EBF2: variants seen among roughly 807,000 people sequenced by gnomAD.
The protein encoded by EBF2 is EBF transcription factor 2, also known as transcription factor COE2.
A neutral mutation model predicts 72.8 loss-of-function variants in EBF2; 21 were observed. The observed-to-expected ratio is 0.29, with a 90% CI of 0.20 to 0.42. The LOEUF is 0.42. Among genes scored for constraint, EBF2 ranks in the 10% least tolerant of loss-of-function variants. EBF2 has a pLI of 1.00. For missense variants in EBF2, 637 were observed against 731.2 expected (o/e 0.87, Z 1.49); for synonymous variants, 299 against 274.2 (o/e 1.09, Z -0.89).
At position 25,843,261 on chromosome 8, in the gene EBF2, C is replaced by T. The variant is rs535838250; in HGVS notation, c.*1348G>A. On this transcript the variant is annotated 3_prime_UTR_variant, in exon 16 of 16. Coordinates refer to ENST00000520164, the MANE Select transcript of EBF2 (RefSeq NM_022659.4). The stretch of plus-strand genomic sequence containing the variant: ...CTTTTAATATCCCTCTCCCACATTC[C>T]GTCTCATTCTTGACTAGAAACTGTC... The T allele has an allele frequency of 5.3e-5, 8 of 152,274 alleles. No individual in the cohort carries two copies. Among genetic ancestry groups the T allele is most frequent in the Admixed American group, 2.0e-4 (3 of 15,286 alleles). The allele number at this position is 152,274 out of a possible 1,614,324, so 9.4% of individuals were successfully genotyped here.
In EBF2 at chr8:26,044,484, A is replaced by G. The variant is rs1805666604; in HGVS notation, c.131+245T>C. Among the ~76,000 whole-genome samples, 1 of 152,226 alleles carries G rather than the reference A, an allele frequency of 6.6e-6. No individual in the cohort carries two copies. The highest frequency in any genetic ancestry group is 1.5e-5 in the Non-Finnish European group (1 of 68,040). The stretch of plus-strand genomic sequence containing the variant: ...TTCCTTGCAAAGAGTGGACTGTGGT[A>G]AAGGAGAGGGAGAGAAACGCCTACG... On this transcript the variant is annotated intron_variant, in intron 1 of 15. Coordinates refer to ENST00000520164, the MANE Select transcript of EBF2 (RefSeq NM_022659.4). This position sits in a 1 kb window ranked among gnomAD's most constrained non-coding sequence, Gnocchi z 4.1.
intron 15 of EBF2, among the ~76,000 whole-genome samples, chr8:25,847,535 C>A (rs1336050872): frequency 6.6e-6 from 1 of 152,202 alleles, no homozygotes; most frequent in Non-Finnish European, 1.5e-5. Context: ...TCAACCCTCG[C>A]CTCCTCCCAG....
chr8:26,029,633 G>A (rs558772222), intron 6 of EBF2, among the ~76,000 whole-genome samples: 2 of 152,274 alleles, frequency 1.3e-5, no homozygotes, highest in Admixed American at 6.5e-5. Flanking sequence ...GTGAGAAAAC[G>A]CAAAGACAGA....
chr8:25,930,765 A>G (rs1474087048), intron 6 of EBF2, among the ~76,000 whole-genome samples: 1 of 152,160 alleles, frequency 6.6e-6, no homozygotes. Flanking sequence ...CTACCTGTAC[A>G]TTTGAGGATG....
chr8:25,921,699 T>A (rs1255137939), intron 6 of EBF2, among the ~76,000 whole-genome samples: 1 of 152,212 alleles, frequency 6.6e-6, no homozygotes, highest in African/African-American at 2.4e-5. Context: ...TGTAACCCCA[T>A]TGCATTTTGT....
At chr8:25,988,605 A>G (rs1246887603) in intron 6 of EBF2, among the ~76,000 whole-genome samples, 1 of 152,248 alleles carries the variant, frequency 6.6e-6, no homozygotes, top group African/African-American at 2.4e-5. Context: ...GCATTATGCT[A>G]AGTTATAGAA....
At chr8:25,921,882 C>T (rs952092228) in intron 6 of EBF2, among the ~76,000 whole-genome samples, 1 of 152,214 alleles carries the variant, frequency 6.6e-6, no homozygotes, top group African/African-American at 2.4e-5. Context: ...CCATTGAGAA[C>T]AGGCGCAGCC....
intron 6 of EBF2, among the ~76,000 whole-genome samples, chr8:25,967,670 G>T (rs1251111080): frequency 6.6e-6 from 1 of 152,126 alleles, no homozygotes; most frequent in Non-Finnish European, 1.5e-5. Flanking sequence ...ATGTGTGTTG[G>T]GGGCAAGGGT....
chr8:25,968,440 A>G (rs1195427137), intron 6 of EBF2, among the ~76,000 whole-genome samples: 6 of 152,242 alleles, frequency 3.9e-5, no homozygotes, highest in Admixed American at 3.9e-4. Flanking sequence ...TTATGAACGA[A>G]TATTGTATAA....
chr8:26,009,403 C>T (rs1280859074), intron 6 of EBF2, among the ~76,000 whole-genome samples: 2 of 152,154 alleles, frequency 1.3e-5, no homozygotes, highest in Non-Finnish European at 2.9e-5. Flanking sequence ...TCAGATCACA[C>T]ATCATAATGA....
chr8:26,037,833 C>T (rs565382545), intron 5 of EBF2, among the ~76,000 whole-genome samples: 3 of 152,082 alleles, frequency 2.0e-5, no homozygotes, highest in African/African-American at 7.3e-5. Flanking sequence ...AAAGTTATTC[C>T]TAAAGAGATT....
At chr8:26,022,161 C>T (rs1294856052) in intron 6 of EBF2, among the ~76,000 whole-genome samples, 2 of 152,096 alleles carry the variant, frequency 1.3e-5, no homozygotes, top group Non-Finnish European at 2.9e-5. Flanking sequence ...TTCTCTTGTC[C>T]CTTTCCTTGC....
At chr8:26,005,548 A>ATTATATATATTT (rs1563206091) in intron 6 of EBF2, among the ~76,000 whole-genome samples, 4 of 38,046 alleles carry the variant, frequency 1.1e-4, no homozygotes, top group East Asian at 1.7e-3. Flanking sequence ...TATTTTATAT[A>ATTATATATATTT]TATATATATA....
chr8:26,025,523 C>T (rs150398445), intron 6 of EBF2, among the ~76,000 whole-genome samples: 90 of 152,144 alleles, frequency 5.9e-4, no homozygotes, highest in Admixed American at 1.2e-3. Flanking sequence ...GCCAGGCAAG[C>T]AGAATAAGTG....
chr8:25,847,948 C>T (rs1044388930), intron 15 of EBF2, among the ~76,000 whole-genome samples: 18 of 151,984 alleles, frequency 1.2e-4, no homozygotes, highest in African/African-American at 3.9e-4. Flanking sequence ...ACTCGTGCGC[C>T]GAAATCTCAA....
At chr8:25,913,430 A>AC (rs1264728729) in intron 6 of EBF2, among the ~76,000 whole-genome samples, 2 of 152,034 alleles carry the variant, frequency 1.3e-5, no homozygotes, top group Non-Finnish European at 2.9e-5. Context: ...ACAAAGTGAG[A>AC]CCCCGTCAGA....
intron 6 of EBF2, among the ~76,000 whole-genome samples, chr8:25,996,852 AG>A (rs1563203027): frequency 6.6e-6 from 1 of 152,230 alleles, no homozygotes; most frequent in Admixed American, 6.5e-5. Flanking sequence ...AAAAACATTC[AG>A]AATTTACAGT....
Position 25,985,217 on chromosome 8 carries a change from A to G in EBF2, c.551+47868T>C, listed in dbSNP as rs532210840. Among the ~76,000 whole-genome samples the G allele has an allele frequency of 3.0e-3, 453 of 152,222 alleles. 3 individuals carry two copies. The highest frequency in any genetic ancestry group is 5.0e-3 in the Non-Finnish European group (343 of 68,000). The stretch of plus-strand genomic sequence containing the variant: ...CTCCCCTCACTTCTCTGCCAACACC[A>G]AGTGTAAGAGTGCCCTTTAGAATTG... On this transcript the variant is annotated intron_variant, in intron 6 of 15. Transcript: ENST00000520164.
rs530261214 is a variant in EBF2, at chr8:25,850,374, G to A, written c.1696+220C>T. On this transcript the variant is annotated intron_variant, in intron 15 of 15. Coordinates refer to ENST00000520164, the MANE Select transcript of EBF2 (RefSeq NM_022659.4). ...AGTGATCCACCTGCCTTGGCCTCCC[G>A]AAGTGCTGGGATTACAGGCATGAGC... Among the ~76,000 whole-genome samples the A allele has an allele frequency of 5.3e-5, 8 of 152,232 alleles. No individual in the cohort carries two copies. In the South Asian group the frequency reaches 6.2e-4, roughly 12 times the overall value.
Sources: allele counts gnomAD v4.1 joint callset (sites outside exome capture counted in the v4.1 genomes callset), GRCh38; gene constraint gnomAD v4.1.1; non-coding constraint Gnocchi (gnomAD v3.1); transcripts MANE v1.5; gene names NCBI Gene and HGNC (gene_info 2026-07-23, HGNC 2026-07-21).